The following NUP210L variants were observed in gnomAD, a reference collection of about 807,000 sequenced individuals.
The protein encoded by NUP210L is nucleoporin 210 like, also known as nuclear pore membrane glycoprotein 210-like.
In NUP210L, 74 loss-of-function variants were observed where a neutral mutation model predicts 208.5. The ratio of observed to expected loss-of-function variants is 0.35; its 90% CI spans 0.29 to 0.43. The LOEUF (loss-of-function observed/expected upper bound fraction) is 0.43, where lower values mean the gene tolerates loss of function less well. NUP210L is among the 20% of genes least tolerant of loss of function. The probability of loss-of-function intolerance (pLI) is 1.00; values close to 1 mark genes in which losing one functional copy is unlikely to be tolerated. For missense variants in NUP210L, 1,843 were observed against 2,289.4 expected, an observed-to-expected ratio of 0.81 and a Z score of 3.98; for synonymous variants, 780 against 816.9, an observed-to-expected ratio of 0.95 and a Z score of 0.77.
At position 154,012,237 on chromosome 1, in the gene NUP210L, T is replaced by A; in HGVS notation, c.4780+7A>T. 1 of 1,613,228 alleles carries A rather than the reference T, an allele frequency of 6.2e-7. No individual in the cohort carries two copies. On this transcript the variant is annotated splice_region_variant and intron_variant, in intron 34 of 39. Coordinates refer to ENST00000368559, the Ensembl canonical transcript of NUP210L. ...ACAATCACTGAAACCATGAAGAGAT[T>A]CCTGACCTTTAAGATTGACACCATT... is the stretch of plus-strand genomic sequence containing the variant.
chr1:154,050,745 T>C (rs1015758040), intron 25 of NUP210L, among the ~76,000 whole-genome samples: 2 of 152,192 alleles, frequency 1.3e-5, no homozygotes, highest in African/African-American at 4.8e-5. Context: ...TGAAACAAAA[T>C]TATTTCAATT....
Position 154,036,314 on chromosome 1 carries a change from ATGTGTGTGTGTGTGTG to A in NUP210L, c.3697-6276_3697-6261del, listed in dbSNP as rs57011341. On this transcript the variant is annotated intron_variant, in intron 27 of 39. Transcript: ENST00000368559. ...ATTTAATGTATAGGACAGTTGGAACATGTGTGTGTGTGTGTGTGTGTGTGTGTGTGTGTGTGTGTGT... is the reference window on the plus strand; with the variant it reads ...ATTTAATGTATAGGACAGTTGGAACATGTGTGTGTGTGTGTGTGTGTGTGT... 1.8e-3 allele frequency among the ~76,000 whole-genome samples: 192 copies of A among 108,176 alleles called. 3 individuals carry two copies. The highest frequency in any genetic ancestry group is 6.1e-3 in the South Asian group (19 of 3,120). 71.0% of individuals were successfully genotyped at this position (108,176 alleles called of 152,430 possible).
In NUP210L at chr1:154,118,817, G is replaced by C. The variant is rs778460613; in HGVS notation, c.1327-9C>G. On this transcript the variant is annotated splice_polypyrimidine_tract_variant and intron_variant, in intron 10 of 39. Coordinates refer to ENST00000368559, the Ensembl canonical transcript of NUP210L. ...GGCTGAATATCTTTATTCTATAAGA[G>C]CAGGAAAAAAGGAGCAAAATATATT... 2 of 1,527,538 alleles carry C rather than the reference G, an allele frequency of 1.3e-6. No individual in the cohort carries two copies. Among genetic ancestry groups the C allele is most frequent in the African/African-American group, 2.8e-5 (2 of 72,644 alleles). The allele number at this position is 1,527,538 out of a possible 1,614,324, so 94.6% of individuals were successfully genotyped here. A position where few individuals can be genotyped will look rare whatever the true frequency, so the allele number is the denominator to read the frequency against.
chr1:154,075,981 G>A (rs1275117456), intron 16 of NUP210L, among the ~76,000 whole-genome samples: 1 of 151,576 alleles, frequency 6.6e-6, no homozygotes, highest in South Asian at 2.1e-4. Context: ...CAGAGGTGGG[G>A]TTTTGCCATG....
At chr1:154,112,298 C>T (rs936368135) in intron 12 of NUP210L, among the ~76,000 whole-genome samples, 8 of 151,978 alleles carry the variant, frequency 5.3e-5, no homozygotes, top group African/African-American at 4.8e-5. Context: ...CCTAACACTT[C>T]GGGAGGCTGA....
chr1:154,145,535 G>T (rs1659074730), intron 2 of NUP210L, among the ~76,000 whole-genome samples: 1 of 151,902 alleles, frequency 6.6e-6, no homozygotes, highest in African/African-American at 2.4e-5. Context: ...TTCAGGAAAT[G>T]GCATGCTTCC....
chr1:154,013,292 G>C (rs1443250529), intron 33 of NUP210L, among the ~76,000 whole-genome samples: 6 of 152,174 alleles, frequency 3.9e-5, no homozygotes, highest in Non-Finnish European at 7.4e-5. Flanking sequence ...ATGCCTTTGA[G>C]GCCAGGTGCG....
Position 153,995,059 on chromosome 1 carries a change from GA to G in NUP210L, c.5491+16del, listed in dbSNP as rs766509999. On this transcript the variant is annotated intron_variant, in intron 38 of 39. Coordinates refer to ENST00000368559, the Ensembl canonical transcript of NUP210L. ...TTTTCATGTCAAAGTCTATGTTATT[GA>G]ATATAAGGACTCTACCTAGGAAGAT... 1 of 1,355,966 alleles carries G rather than the reference GA, an allele frequency of 7.4e-7. No individual in the cohort carries two copies. Among genetic ancestry groups the G allele is most frequent in the Non-Finnish European group, 1.0e-6 (1 of 961,848 alleles). 84.0% of individuals were successfully genotyped at this position (1,355,966 alleles called of 1,614,324 possible). A position where few individuals can be genotyped will look rare whatever the true frequency, so the allele number is the denominator to read the frequency against.
intron 2 of NUP210L, among the ~76,000 whole-genome samples, chr1:154,152,105 A>G (rs1166618974): frequency 2.2e-5 from 1 of 45,572 alleles, no homozygotes; most frequent in Non-Finnish European, 4.1e-5. Flanking sequence ...AAAAAAAAAA[A>G]AAGAAAGAAA....
At chr1:154,139,022 C>T (rs1218344323) in intron 5 of NUP210L, among the ~76,000 whole-genome samples, 1 of 152,096 alleles carries the variant, frequency 6.6e-6, no homozygotes, top group Admixed American at 6.6e-5. Context: ...AATCCTAGCA[C>T]TTTAGGAGGC....
intron 15 of NUP210L, among the ~76,000 whole-genome samples, chr1:154,090,110 G>A (rs974249043): frequency 6.6e-6 from 1 of 151,798 alleles, no homozygotes; most frequent in African/African-American, 2.4e-5. Flanking sequence ...TGGGTGTGGT[G>A]ATGTGTACCT....
At chr1:154,042,181 C>G (rs959227484) in intron 27 of NUP210L, among the ~76,000 whole-genome samples, 1 of 151,436 alleles carries the variant, frequency 6.6e-6, no homozygotes, top group Non-Finnish European at 1.5e-5. Flanking sequence ...CTCACTGCAG[C>G]CTTCACCTCC....
intron 27 of NUP210L, among the ~76,000 whole-genome samples, chr1:154,035,898 T>C (rs1015559072): frequency 6.7e-6 from 1 of 149,282 alleles, no homozygotes; most frequent in Non-Finnish European, 1.5e-5. Flanking sequence ...CGCGCCTGGC[T>C]AATTTTTTGT....
At chr1:154,154,947 C>G (rs1422021079) in exon 1 of NUP210L, 4 of 1,614,058 alleles carry the variant, frequency 2.5e-6, no homozygotes, top group Non-Finnish European at 3.4e-6. Flanking sequence ...GGCCAGGGTC[C>G]CACGCAAAAC....
At chr1:154,070,279 A>G (rs1654641726) in exon 17 of NUP210L, 4 of 1,590,730 alleles carry the variant, frequency 2.5e-6, no homozygotes, top group Non-Finnish European at 3.4e-6. Context: ...ATACCATGTA[A>G]CCGGGTCTGC....
intron 2 of NUP210L, among the ~76,000 whole-genome samples, chr1:154,151,198 T>A (rs1659362989): frequency 6.6e-6 from 1 of 151,606 alleles, no homozygotes; most frequent in South Asian, 2.1e-4. Flanking sequence ...TTTTTCTGAC[T>A]TTCGTATCCT....
chr1:154,041,369 C>G (rs1468268196), intron 27 of NUP210L, among the ~76,000 whole-genome samples: 1 of 152,060 alleles, frequency 6.6e-6, no homozygotes, highest in Non-Finnish European at 1.5e-5. Flanking sequence ...GAGTCTCTGT[C>G]ACTCAGGCTG....
intron 35 of NUP210L, among the ~76,000 whole-genome samples, chr1:154,007,256 C>T (rs932748867): frequency 9.5e-5 from 12 of 126,324 alleles, no homozygotes; most frequent in Admixed American, 4.5e-4. Flanking sequence ...GCTACTGCGC[C>T]GGGCTTATAT....
intron 16 of NUP210L, among the ~76,000 whole-genome samples, chr1:154,072,943 C>T (rs1446487275): frequency 2.6e-5 from 4 of 152,154 alleles, no homozygotes; most frequent in Non-Finnish European, 4.4e-5. Flanking sequence ...AACTAAAGAG[C>T]TTTTGCGCAG....
Sources: allele counts gnomAD v4.1 joint callset (sites outside exome capture counted in the v4.1 genomes callset), GRCh38; gene constraint gnomAD v4.1.1; transcripts MANE v1.5; gene names NCBI Gene and HGNC (gene_info 2026-07-23, HGNC 2026-07-21).